ST18: variants seen among roughly 807,000 people sequenced by gnomAD.
ST18 encodes ST18 C2H2C-type zinc finger transcription factor.
ST18 carries 50 observed loss-of-function variants against 110.0 expected under a neutral mutation model. The ratio of observed to expected loss-of-function variants is 0.45; its 90% confidence interval spans 0.36 to 0.58. ST18 has a LOEUF of 0.58. Among genes scored for constraint, ST18 ranks in the 20% least tolerant of loss-of-function variants. ST18 has a pLI of 0.00. For synonymous variants in ST18, 461 were observed against 452.4 expected, an observed-to-expected ratio of 1.02 and a Z score of -0.24; for missense variants, 1,306 against 1,280.1, an observed-to-expected ratio of 1.02 and a Z score of -0.31.
intron 8 of ST18, among the ~76,000 whole-genome samples, chr8:52,185,148 CACAA>C (rs913132206): frequency 6.6e-6 from 1 of 152,086 alleles, no homozygotes; most frequent in Admixed American, 6.5e-5. Context: ...ATAAACCAGC[CACAA>C]ACAATTAGAA....
Position 52,250,618 on chromosome 8 carries a change from G to A in ST18, c.-464-20541C>T, listed in dbSNP as rs546696095. ...AACCCACCACAGTGAGCTGTGGGCC[G>A]CAGAGAAAGAAAAGTCAAAACACCA... On this transcript the variant is annotated intron_variant, in intron 2 of 25. Coordinates refer to ENST00000689386, the MANE Select transcript of ST18 (RefSeq NM_001352837.2). 1.2e-4 allele frequency among the ~76,000 whole-genome samples: 18 copies of A among 150,800 alleles called. 1 individual carries two copies. The South Asian group carries it at 2.1e-3, about 18-fold the overall frequency.
intron 25 of ST18, among the ~76,000 whole-genome samples, chr8:52,114,101 C>G (rs954110399): frequency 2.0e-5 from 3 of 151,178 alleles, no homozygotes; most frequent in Admixed American, 6.6e-5. Flanking sequence ...CCCCAAGTAG[C>G]TGGGATTACA....
chr8:52,337,894 C>G (rs1350754138), intron 2 of ST18, among the ~76,000 whole-genome samples: 1 of 152,156 alleles, frequency 6.6e-6, no homozygotes, highest in Non-Finnish European at 1.5e-5. Context: ...CCTTCTGTTT[C>G]CCAAGTTTTA....
intron 2 of ST18, among the ~76,000 whole-genome samples, chr8:52,331,116 T>C (rs1300431386): frequency 6.6e-6 from 1 of 152,050 alleles, no homozygotes; most frequent in Non-Finnish European, 1.5e-5. Flanking sequence ...ACTTTGTCTG[T>C]TTCTCCCCCT....
chr8:52,357,297 T>C (rs771129284), intron 2 of ST18, among the ~76,000 whole-genome samples: 37 of 152,066 alleles, frequency 2.4e-4, no homozygotes, highest in Admixed American at 1.3e-3. Flanking sequence ...AGAAAAGAAA[T>C]AGAAAACTGG....
chr8:52,178,571 C>G (rs192691193), intron 9 of ST18, among the ~76,000 whole-genome samples: 1 of 138,824 alleles, frequency 7.2e-6, no homozygotes, highest in African/African-American at 2.7e-5. Context: ...GAGCTGAGAT[C>G]CCACCATTGC....
chr8:52,195,332 A>G (rs576124682), intron 8 of ST18, among the ~76,000 whole-genome samples: 1 of 152,336 alleles, frequency 6.6e-6, no homozygotes, highest in African/African-American at 2.4e-5. Context: ...GCTTCAATAA[A>G]GCCCACACTG....
chr8:52,158,849 C>A, intron 15 of ST18, 49 bp downstream of exon 15: 1 of 1,603,056 alleles, frequency 6.2e-7, no homozygotes. Context: ...GCAGTTTATT[C>A]TCACAGTTCA....
Position 52,145,898 on chromosome 8 carries a change from G to A in ST18, c.2053-2853C>T, listed in dbSNP as rs572610329. Among the ~76,000 whole-genome samples the A allele has an allele frequency of 1.9e-3, 290 of 152,226 alleles. 1 individual carries two copies. Among genetic ancestry groups the A allele is most frequent in the Admixed American group, 5.6e-3 (85 of 15,296 alleles). The stretch of plus-strand genomic sequence containing the variant: ...AGTTATTTCTCAACACTTTCCTTTC[G>A]AGATATTTTGAGTTTTTTCCAGATT... On this transcript the variant is annotated intron_variant, in intron 16 of 25. Coordinates refer to ENST00000689386, the MANE Select transcript of ST18 (RefSeq NM_001352837.2).
chr8:52,183,827 A>G (rs887692324), intron 8 of ST18, among the ~76,000 whole-genome samples: 3 of 152,192 alleles, frequency 2.0e-5, no homozygotes, highest in Non-Finnish European at 4.4e-5. Flanking sequence ...ACTTTTTAAC[A>G]TATTATTTAT....
At chr8:52,385,597 CAAAA>C (rs60332637) in intron 2 of ST18, among the ~76,000 whole-genome samples, 21 of 116,738 alleles carry the variant, frequency 1.8e-4, no homozygotes, top group Admixed American at 2.6e-4. Flanking sequence ...GACTCCGACT[CAAAA>C]AAAAAAAAAA....
intron 2 of ST18, among the ~76,000 whole-genome samples, chr8:52,286,211 G>A (rs1195840713): frequency 6.6e-6 from 1 of 152,186 alleles, no homozygotes; most frequent in Non-Finnish European, 1.5e-5. Context: ...GTTTTGGTCA[G>A]TTTGCAAATG....
chr8:52,151,258 G>A (rs2132552927), intron 15 of ST18, among the ~76,000 whole-genome samples: 1 of 151,834 alleles, frequency 6.6e-6, no homozygotes, highest in South Asian at 2.1e-4. Context: ...GCTTGTGCCC[G>A]ACTTAGAAAA....
In ST18 at chr8:52,180,256, C is replaced by T; in HGVS notation, c.143G>A (p.Gly48Glu). ...KKRTAEDQAL[G>E]VPVNKRKSLL... ...GGATTTCCTTTTGTTGACTGGAACC[C>T]CCAAAGCCTGATCTTCAGCTGTTCT... Residue 48 changes from glycine to glutamate, a missense_variant, in exon 9 of 26, where the codon GGG (glycine) becomes GAG (glutamate). By Grantham distance (98) the Gly-to-Glu change is moderately conservative. Transcript: ENST00000689386. The T allele has an allele frequency of 1.2e-6, 2 of 1,614,168 alleles. No homozygotes were observed. Among genetic ancestry groups the T allele is most frequent in the Non-Finnish European group, 1.7e-6 (2 of 1,180,026 alleles).
Position 52,137,344 on chromosome 8 carries a change from G to A in ST18, c.2231+77C>T, listed in dbSNP as rs924145072. 1.7e-4 allele frequency: 258 copies of A among 1,481,874 alleles called. 1 individual carries two copies. The highest frequency in any genetic ancestry group is 2.0e-4 in the Non-Finnish European group (212 of 1,071,972). 91.8% of individuals were successfully genotyped at this position (1,481,874 alleles called of 1,614,324 possible). A position where few individuals can be genotyped will look rare whatever the true frequency, so the allele number is the denominator to read the frequency against. On this transcript the variant is annotated intron_variant, in intron 18 of 25. Coordinates refer to ENST00000689386, the MANE Select transcript of ST18 (RefSeq NM_001352837.2). ...CATTTCCTGCTTCAGATAATACATG[G>A]ATAGAAAGGGTGAGAATAAGTATTT...
intron 14 of ST18, among the ~76,000 whole-genome samples, chr8:52,159,664 T>C (rs1254571882): frequency 6.6e-6 from 1 of 152,220 alleles, no homozygotes; most frequent in African/African-American, 2.4e-5. Context: ...TCCAACTAGA[T>C]GGAACTAAAT....
At chr8:52,344,756 T>C (rs757904029) in intron 2 of ST18, among the ~76,000 whole-genome samples, 173 of 152,278 alleles carry the variant, frequency 1.1e-3, no homozygotes, top group Non-Finnish European at 1.1e-3. Context: ...TCAAAATAGA[T>C]ACATCACCTG....
In ST18 at chr8:52,124,105, CA is replaced by C. The variant is rs141512205; in HGVS notation, c.2755+1946del. The stretch of plus-strand genomic sequence containing the variant: ...ACCCAGCAAGAAATGACTCTTCGCA[CA>C]CGTCTTAGTGTCCTCAGGGTTGCTC... On this transcript the variant is annotated intron_variant, in intron 23 of 25. Transcript: ENST00000689386. Among the ~76,000 whole-genome samples, 1,369 of 152,254 alleles carry C rather than the reference CA, an allele frequency of 9.0e-3. 15 individuals are homozygous for C. Among genetic ancestry groups the C allele is most frequent in the African/African-American group, 0.031 (1,280 of 41,548 alleles).
At chr8:52,208,526 T>G (rs1214322284) in intron 8 of ST18, among the ~76,000 whole-genome samples, 1 of 152,254 alleles carries the variant, frequency 6.6e-6, no homozygotes, top group African/African-American at 2.4e-5. Flanking sequence ...CAGCTTAAAC[T>G]ACTTAAGAAG....
Sources: gnomAD v4.1 joint callset for allele counts (sites outside exome capture counted in the v4.1 genomes callset) on GRCh38, gnomAD v4.1.1 for gene constraint, MANE v1.5 for transcripts, NCBI Gene and HGNC (gene_info 2026-07-23, HGNC 2026-07-21) for gene names.